Variants in PNPLA3 observed in about 807,000 individuals in gnomAD.
PNPLA3 encodes the protein 1-acylglycerol-3-phosphate O-acyltransferase PNPLA3.
A neutral mutation model predicts 43.1 loss-of-function variants in PNPLA3; 42 were observed. That is an observed-to-expected ratio of 0.97 (90% CI 0.76 to 1.26). The LOEUF (loss-of-function observed/expected upper bound fraction) is 1.26. PNPLA3 is among the 50% of genes most tolerant of loss of function. The pLI is 0.00. For missense variants in PNPLA3, 647 were observed against 621.4 expected (o/e 1.04, Z -0.44); for synonymous variants, 272 against 253.6 (o/e 1.07, Z -0.69).
At chr22:43,945,682 G>A (rs1174105967) in intron 8 of PNPLA3, among the ~76,000 whole-genome samples, 2 of 152,146 alleles carry the variant, frequency 1.3e-5, no homozygotes, top group Non-Finnish European at 2.9e-5. Flanking sequence ...GCCCTGGCTG[G>A]CAGCAGGCAG....
chr22:43,924,472 G>A (rs1283667722), intron 1 of PNPLA3: 3 of 216,480 alleles, frequency 1.4e-5, no homozygotes, highest in Non-Finnish European at 2.7e-5. Flanking sequence ...TGGCCCCTGC[G>A]GACTCCGGGT....
chr22:43,928,644 T>C (rs890648600), intron 2 of PNPLA3, among the ~76,000 whole-genome samples, 180 bp from the exon 3 acceptor site: 3 of 150,626 alleles, frequency 2.0e-5, no homozygotes, highest in Admixed American at 6.7e-5. Context: ...ATGAGACCCA[T>C]GGGCCTGAAG....
At chr22:43,929,833 G>T (rs1484094816) in intron 3 of PNPLA3, among the ~76,000 whole-genome samples, 1 of 152,100 alleles carries the variant, frequency 6.6e-6, no homozygotes, top group Non-Finnish European at 1.5e-5. Flanking sequence ...CTGACCTCAG[G>T]TGATCCGCCC....
At position 43,923,940 on chromosome 22, in the gene PNPLA3, T is replaced by G. The variant is rs760654484; in HGVS notation, c.29T>G (p.Leu10Trp). The change falls in exon 1 of 9, where the codon TTG becomes TGG. Residue 10 changes from leucine (L) to tryptophan (W), a missense_variant. Leu to Trp is a moderately conservative substitution (Grantham distance 61). Coordinates refer to ENST00000216180, the MANE Select transcript of PNPLA3 (RefSeq NM_025225.3). MYDAERGWS[L>W]SFAGCGFLGF... ...TACGACGCAGAGCGCGGCTGGAGCT[T>G]GTCCTTCGCGGGCTGCGGCTTCCTG... is the stretch of plus-strand genomic sequence containing the variant. 1 of 1,580,396 alleles carries G rather than the reference T, an allele frequency of 6.3e-7. No individual in the cohort carries two copies. The highest frequency in any genetic ancestry group is 8.5e-7 in the Non-Finnish European group (1 of 1,171,770).
intron 8 of PNPLA3, among the ~76,000 whole-genome samples, chr22:43,945,424 T>A (rs2050056956): frequency 6.6e-6 from 1 of 152,164 alleles, no homozygotes; most frequent in South Asian, 2.1e-4. Flanking sequence ...TTGGGCGTTA[T>A]CCTGAAAATC....
rs374314751 is a variant in PNPLA3, at chr22:43,940,344, C to T, written c.1112+219C>T. Reference sequence around the variant, plus strand: ...AGCCCAGAAACTCCCCGTGGGGACTCCTAGAGCTGTCAGTGGCCTCACATA... The same window carrying T: ...AGCCCAGAAACTCCCCGTGGGGACTTCTAGAGCTGTCAGTGGCCTCACATA... On this transcript the variant is annotated intron_variant, in intron 7 of 8. Coordinates refer to ENST00000216180, the MANE Select transcript of PNPLA3 (RefSeq NM_025225.3). Among the ~76,000 whole-genome samples the T allele has an allele frequency of 3.3e-5, 5 of 152,300 alleles. No homozygotes were observed. In the East Asian group the frequency reaches 5.8e-4, roughly 18 times the overall value.
chr22:43,930,520 G>A (rs1428475169), intron 3 of PNPLA3, among the ~76,000 whole-genome samples: 1 of 152,186 alleles, frequency 6.6e-6, no homozygotes, highest in African/African-American at 2.4e-5. Flanking sequence ...GAACTCAGCA[G>A]GAGTGCACCC....
chr22:43,942,929 C>A (rs960413184), intron 7 of PNPLA3, among the ~76,000 whole-genome samples: 2 of 152,020 alleles, frequency 1.3e-5, no homozygotes, highest in African/African-American at 4.8e-5. Context: ...TTTTCTTCCT[C>A]TTCCTGGGGC....
intron 7 of PNPLA3, among the ~76,000 whole-genome samples, chr22:43,942,985 C>T (rs990554238): frequency 6.6e-6 from 1 of 152,046 alleles, no homozygotes; most frequent in East Asian, 1.9e-4. Context: ...TTCCTGTCTC[C>T]GTGTCTGACT....
At chr22:43,924,850 G>C (rs1378204045) in intron 1 of PNPLA3, among the ~76,000 whole-genome samples, 2 of 151,914 alleles carry the variant, frequency 1.3e-5, no homozygotes, top group Non-Finnish European at 2.9e-5. Flanking sequence ...GGGTTTCACC[G>C]TGTTAGCCAG....
intron 7 of PNPLA3, among the ~76,000 whole-genome samples, chr22:43,944,228 C>T (rs957423385): frequency 6.6e-6 from 1 of 152,150 alleles, no homozygotes; most frequent in Non-Finnish European, 1.5e-5. Context: ...TGTGGTCAGG[C>T]ATTTATCAGA....
rs1005638170 is a variant in PNPLA3, at chr22:43,946,583, C to T, written c.*201C>T. 14 of 715,144 alleles carry T rather than the reference C, an allele frequency of 2.0e-5. No homozygotes were observed. Among genetic ancestry groups the T allele is most frequent in the Non-Finnish European group, 2.5e-6 (1 of 392,226 alleles). 44.3% of individuals were successfully genotyped at this position (715,144 alleles called of 1,614,324 possible). A position where few individuals can be genotyped will look rare whatever the true frequency, so the allele number is the denominator to read the frequency against. On this transcript the variant is annotated 3_prime_UTR_variant, in exon 9 of 9. Transcript: ENST00000216180. The stretch of plus-strand genomic sequence containing the variant: ...GGTCCAGCACTTAACTCTAATACAT[C>T]AGCATGCGTTAATTCAGCTGGTTGG...
chr22:43,932,168 G>C (rs2049965711), intron 3 of PNPLA3, among the ~76,000 whole-genome samples: 1 of 152,176 alleles, frequency 6.6e-6, no homozygotes, highest in Non-Finnish European at 1.5e-5. Context: ...CCAAATTGTA[G>C]CAAAAGCTGC....
At position 43,934,631 on chromosome 22, in the gene PNPLA3, GA is replaced by G. The variant is rs746655706; in HGVS notation, c.723del (p.Tyr242IlefsTer21). ...LKVLGEICLRGYLDAFRFLEE... is the reference protein window; with the variant it reads ...LKVLGEICLRXYLDAFRFLEE... ...GTGCTGGGAGAGATATGCCTTCGAG[GA>G]TATTTGGATGCATTCAGGTTCTTGG... On this transcript the variant is annotated frameshift_variant, in exon 5 of 9. Transcript: ENST00000216180. LOFTEE classifies it high-confidence loss of function. 1 of 1,613,970 alleles carries G rather than the reference GA, an allele frequency of 6.2e-7. No homozygotes were observed. The highest frequency in any genetic ancestry group is 1.1e-5 in the South Asian group (1 of 91,080).
chr22:43,943,690 T>C (rs2050045323), intron 7 of PNPLA3, among the ~76,000 whole-genome samples: 1 of 152,376 alleles, frequency 6.6e-6, no homozygotes, highest in Non-Finnish European at 1.5e-5. Flanking sequence ...GGTGGTTGCA[T>C]GCTGCAGTCC....
rs747490781 is a variant in PNPLA3, at chr22:43,946,224, C to T, written c.1288C>T (p.Pro430Ser). The T allele has an allele frequency of 6.2e-7, 1 of 1,614,174 alleles. No homozygotes were observed. The highest frequency in any genetic ancestry group is 1.1e-5 in the South Asian group (1 of 91,072). ...TGAGCAGGACTGGCCCTGCTGGACT[C>T]CCTGCTCCCCCAAGGGCTGTCCAGC... ...TPEQDWPCWTPCSPKGCPAET... is the reference protein window; with the variant it reads ...TPEQDWPCWTSCSPKGCPAET... The change falls in exon 9 of 9, where the codon CCC (proline) becomes TCC (serine). Residue 430 changes from proline to serine, a missense_variant. Pro to Ser is a moderately conservative substitution (Grantham distance 74). Coordinates refer to ENST00000216180, the MANE Select transcript of PNPLA3 (RefSeq NM_025225.3).
At chr22:43,928,380 A>G (rs1470727309) in intron 2 of PNPLA3, among the ~76,000 whole-genome samples, 1 of 152,140 alleles carries the variant, frequency 6.6e-6, no homozygotes, top group African/African-American at 2.4e-5. Flanking sequence ...AGCTTATTGG[A>G]ATGGCAGACC....
At chr22:43,932,714 G>C (rs7288688) in intron 3 of PNPLA3, among the ~76,000 whole-genome samples, 164 bp from the exon 4 acceptor site, 1,836 of 152,280 alleles carry the variant, frequency 0.012, 22 homozygotes, top group Non-Finnish European at 0.018. Flanking sequence ...CGGAATGCTC[G>C]GTAAGGATTT....
At chr22:43,927,233 T>C (rs1319618033) in intron 2 of PNPLA3, 66 bp downstream of exon 2, 1 of 1,438,882 alleles carries the variant, frequency 6.9e-7, no homozygotes, top group East Asian at 2.3e-5. Context: ...GTGTGGTGGC[T>C]CATGCCTGTC....
Sources: gnomAD v4.1 joint callset for allele counts (sites outside exome capture counted in the v4.1 genomes callset) on GRCh38, gnomAD v4.1.1 for gene constraint, MANE v1.5 for transcripts, NCBI Gene and HGNC (gene_info 2026-07-23, HGNC 2026-07-21) for gene names.